The following TFAP2B variants were observed in gnomAD, a reference collection of about 807,000 sequenced individuals.
The protein encoded by TFAP2B is transcription factor AP-2 beta.
Under a neutral mutation model 44.3 loss-of-function variants are expected in TFAP2B, and 9 were observed. The ratio of observed to expected loss-of-function variants is 0.20; its 90% CI spans 0.12 to 0.35. The LOEUF (loss-of-function observed/expected upper bound fraction) is 0.35. Among genes scored for constraint, TFAP2B ranks in the 10% least tolerant of loss-of-function variants. TFAP2B has a pLI of 1.00. For missense variants in TFAP2B, 509 were observed against 600.0 expected (o/e 0.85, Z 1.59); for synonymous variants, 270 against 263.8 (o/e 1.02, Z -0.23).
At chr6:50,842,043 T>G (rs1279433076) in intron 6 of TFAP2B, among the ~76,000 whole-genome samples, 4 of 152,214 alleles carry the variant, frequency 2.6e-5, no homozygotes, top group African/African-American at 9.6e-5. Context: ...TGGCCAGGTA[T>G]CTGTGAGTCG....
intron 6 of TFAP2B, among the ~76,000 whole-genome samples, chr6:50,840,513 G>T (rs1210446224): frequency 1.3e-5 from 2 of 152,210 alleles, no homozygotes; most frequent in Non-Finnish European, 2.9e-5. Flanking sequence ...TCCGAATCCA[G>T]CCTTCTTACA....
chr6:50,837,894 C>A, intron 4 of TFAP2B, 81 bp from the exon 5 acceptor site: 1 of 1,151,942 alleles, frequency 8.7e-7, no homozygotes, highest in Non-Finnish European at 1.3e-6. Flanking sequence ...TCAAGCTCCA[C>A]TGGGCTTTAG....
intron 2 of TFAP2B, among the ~76,000 whole-genome samples, chr6:50,825,855 G>A (rs922946662): frequency 6.6e-6 from 1 of 152,132 alleles, no homozygotes; most frequent in Admixed American, 6.5e-5. Flanking sequence ...GGACCTTCTT[G>A]GGACGACCCC....
chr6:50,841,295 C>A (rs1450962589), intron 6 of TFAP2B, among the ~76,000 whole-genome samples: 1 of 152,142 alleles, frequency 6.6e-6, no homozygotes, highest in Non-Finnish European at 1.5e-5. Flanking sequence ...CTTTACCCAT[C>A]TCTCCCAATG....
At chr6:50,825,035 C>T (rs574520299) in intron 2 of TFAP2B, among the ~76,000 whole-genome samples, 202 of 152,064 alleles carry the variant, frequency 1.3e-3, no homozygotes, top group African/African-American at 1.9e-3. Flanking sequence ...CTGTACCTTG[C>T]TGAAAAAAAA....
rs1009895753 is a variant in TFAP2B at position 50,818,984 on chromosome 6, C to T, written c.81+12C>T. On this transcript the variant is annotated intron_variant, in intron 1 of 6. Transcript: ENST00000393655. ...AAGATATCTATGAGGTGAGTCGACACCCCCAGATGCACCTTAGAGCTTTGC... is the reference window on the plus strand; with the variant it reads ...AAGATATCTATGAGGTGAGTCGACATCCCCAGATGCACCTTAGAGCTTTGC... 1.2e-6 allele frequency: 2 copies of T among 1,611,194 alleles called. No individual in the cohort carries two copies. Among genetic ancestry groups the T allele is most frequent in the Non-Finnish European group, 1.7e-6 (2 of 1,177,406 alleles).
At chr6:50,820,550 C>T (rs528499973) in intron 1 of TFAP2B, among the ~76,000 whole-genome samples, 1 of 152,362 alleles carries the variant, frequency 6.6e-6, no homozygotes, top group African/African-American at 2.4e-5. Flanking sequence ...TTGGGGTTTT[C>T]CTTTTCTCTT....
intron 3 of TFAP2B, 82 bp downstream of exon 3, chr6:50,828,761 T>C (rs1723710883): frequency 6.8e-7 from 1 of 1,477,626 alleles, no homozygotes; most frequent in African/African-American, 1.4e-5. Flanking sequence ...TTTGGGGGAA[T>C]TCATTATTTG....
In TFAP2B at chr6:50,838,071, G is replaced by C. The variant is rs898437807; in HGVS notation, c.918G>C (p.Thr306=). 1.9e-6 allele frequency: 3 copies of C among 1,613,930 alleles called. No homozygotes were observed. The highest frequency in any genetic ancestry group is 2.7e-5 in the African/African-American group (2 of 74,922). Residue 306 remains threonine, a synonymous_variant, in exon 5 of 7, where the codon ACG becomes ACC. Transcript: ENST00000393655. ...PAGRRKAANV[T]LLTSLVEGEA... is the part of the protein sequence containing the mutation. ...GCAGGCGCAAAGCAGCAAATGTCAC[G>C]TTACTCACCTCCCTGGTGGAAGGTA...
intron 2 of TFAP2B, among the ~76,000 whole-genome samples, chr6:50,827,547 T>G (rs1263410153): frequency 6.6e-6 from 1 of 152,212 alleles, no homozygotes; most frequent in Admixed American, 6.5e-5. Flanking sequence ...GGATGCAGCA[T>G]GAGTCGGTGT....
chr6:50,828,507 G>T, intron 2 of TFAP2B, 112 bp from the exon 3 acceptor site: 1 of 878,238 alleles, frequency 1.1e-6, no homozygotes. Context: ...ACAGCCCTTT[G>T]TGAATTAATA....
chr6:50,823,644 G>A lies in TFAP2B; in HGVS notation c.319G>A (p.Gly107Arg), dbSNP rs951188191. The change falls in exon 2 of 7, where the codon GGG becomes AGG. Residue 107 changes from glycine (G) to arginine (R), a missense_variant. Physicochemically the swap from Gly to Arg is moderately radical, Grantham distance 125. Transcript: ENST00000393655. ...PLHQPQQHPW[G>R]QRQRQEVGSE... ...GCACCAGCCCCAGCAACATCCCTGG[G>A]GGCAACGGCAGCGGCAAGAAGTGGG... is the stretch of plus-strand genomic sequence containing the variant. 6.2e-7 allele frequency: 1 copy of A among 1,614,096 alleles called. No homozygotes were observed. Among genetic ancestry groups the A allele is most frequent in the Non-Finnish European group, 8.5e-7 (1 of 1,179,988 alleles).
intron 1 of TFAP2B, among the ~76,000 whole-genome samples, chr6:50,823,083 C>T (rs1464877563): frequency 6.6e-6 from 1 of 152,202 alleles, no homozygotes; most frequent in Non-Finnish European, 1.5e-5. Flanking sequence ...ACACACTGTT[C>T]CTGTACCCCT....
chr6:50,820,272 G>A (rs1770302801), intron 1 of TFAP2B, among the ~76,000 whole-genome samples: 1 of 152,212 alleles, frequency 6.6e-6, no homozygotes, highest in African/African-American at 2.4e-5. Context: ...CTGAAAGCCC[G>A]GCGCAGAGCC....
intron 1 of TFAP2B, among the ~76,000 whole-genome samples, chr6:50,822,663 A>G (rs1035656075): frequency 1.3e-5 from 2 of 152,234 alleles, no homozygotes; most frequent in African/African-American, 4.8e-5. Context: ...TTAGATATAG[A>G]AAAACAGTCT....
intron 1 of TFAP2B, among the ~76,000 whole-genome samples, chr6:50,823,067 C>T (rs1429877089): frequency 3.3e-5 from 5 of 152,170 alleles, no homozygotes; most frequent in African/African-American, 1.2e-4. Flanking sequence ...TAGAATCTCC[C>T]TCCATACACA....
intron 5 of TFAP2B, among the ~76,000 whole-genome samples, chr6:50,839,870 T>C (rs1026324596): frequency 6.6e-6 from 1 of 152,188 alleles, no homozygotes; most frequent in African/African-American, 2.4e-5. Context: ...AAGGTGGCTC[T>C]TGACAAAAAG....
chr6:50,838,216 A>T, intron 5 of TFAP2B, 123 bp downstream of exon 5: 3 of 904,026 alleles, frequency 3.3e-6, no homozygotes, highest in Non-Finnish European at 5.5e-6. Context: ...TATGAGCTGG[A>T]TGTCAAGCGG....
At chr6:50,834,329 G>A (rs866922847) in intron 3 of TFAP2B, among the ~76,000 whole-genome samples, 5 of 152,122 alleles carry the variant, frequency 3.3e-5, no homozygotes, top group Admixed American at 6.5e-5. Context: ...CCCATGACAG[G>A]GCAGAATATT....
Sources: gnomAD v4.1 joint callset for allele counts (sites outside exome capture counted in the v4.1 genomes callset) on GRCh38, gnomAD v4.1.1 for gene constraint, MANE v1.5 for transcripts, NCBI Gene and HGNC (gene_info 2026-07-23, HGNC 2026-07-21) for gene names.